LRRC28: variants seen among roughly 807,000 people sequenced by gnomAD.
LRRC28 encodes the protein leucine-rich repeat-containing protein 28.
Under a neutral mutation model 45.7 loss-of-function variants are expected in LRRC28, and 39 were observed. The ratio of observed to expected loss-of-function variants is 0.85; its 90% CI spans 0.66 to 1.12. The LOEUF is 1.12. Ranked by LOEUF, LRRC28 falls within the 50% of genes most tolerant of loss-of-function variation. LRRC28 has a pLI of 0.00. For missense variants in LRRC28, 435 were observed against 438.5 expected, an observed-to-expected ratio of 0.99 and a Z score of 0.07; for synonymous variants, 206 against 178.8, an observed-to-expected ratio of 1.15 and a Z score of -1.22.
At chr15:99,325,836 G>C (rs1418461741) in intron 5 of LRRC28, among the ~76,000 whole-genome samples, 1 of 152,182 alleles carries the variant, frequency 6.6e-6, no homozygotes, top group Non-Finnish European at 1.5e-5. Flanking sequence ...AGATTTTATT[G>C]ATGTGCAGCA....
At chr15:99,273,508 A>G (rs866154600) in intron 2 of LRRC28, among the ~76,000 whole-genome samples, 2 of 152,056 alleles carry the variant, frequency 1.3e-5, no homozygotes, top group Non-Finnish European at 2.9e-5. Flanking sequence ...AAGTGCTGAG[A>G]TTACAGGCGT....
At chr15:99,320,318 AT>A (rs952366878) in intron 5 of LRRC28, among the ~76,000 whole-genome samples, 3 of 152,186 alleles carry the variant, frequency 2.0e-5, no homozygotes, top group African/African-American at 7.2e-5. Context: ...GTTACTAAAT[AT>A]AACCTGCCAC....
In LRRC28 at chr15:99,382,218, G is replaced by A. The variant is rs1040991046; in HGVS notation, c.1032-3812G>A. ...CTGGCTGCTTCGTTTACCTACTCAA[G>A]CCTCAGCAATGGTGGGTGCCCCTCC... On this transcript the variant is annotated intron_variant, in intron 9 of 9. Coordinates refer to ENST00000301981, the MANE Select transcript of LRRC28 (RefSeq NM_144598.5). Among the ~76,000 whole-genome samples, 7 of 152,226 alleles carry A rather than the reference G, an allele frequency of 4.6e-5. No homozygotes were observed. In the East Asian group the frequency reaches 7.7e-4, roughly 17 times the overall value.
At chr15:99,276,988 G>A (rs1334910169) in intron 3 of LRRC28, among the ~76,000 whole-genome samples, 1 of 152,068 alleles carries the variant, frequency 6.6e-6, no homozygotes, top group East Asian at 1.9e-4. Flanking sequence ...TGTTTAAAAT[G>A]TACAGTAAAA....
At chr15:99,289,756 AC>A (rs1301189367) in intron 5 of LRRC28, among the ~76,000 whole-genome samples, 1 of 148,474 alleles carries the variant, frequency 6.7e-6, no homozygotes, top group Non-Finnish European at 1.5e-5. Flanking sequence ...ACAAGGTGAA[AC>A]CCCGTCTCTA....
intron 2 of LRRC28, among the ~76,000 whole-genome samples, chr15:99,267,462 G>GT (rs1443832422): frequency 3.9e-5 from 6 of 152,162 alleles, no homozygotes; most frequent in Non-Finnish European, 1.5e-5. Flanking sequence ...AGGACTTCTT[G>GT]TTTTTCTCCA....
At chr15:99,349,964 G>A (rs959083951) in intron 6 of LRRC28, among the ~76,000 whole-genome samples, 22 of 151,114 alleles carry the variant, frequency 1.5e-4, no homozygotes, top group Admixed American at 3.3e-4. Context: ...GTGAAACCCC[G>A]TCTCTACTAA....
intron 5 of LRRC28, among the ~76,000 whole-genome samples, chr15:99,291,053 A>G (rs2082109591): frequency 1.3e-5 from 2 of 152,318 alleles, no homozygotes; most frequent in Non-Finnish European, 2.9e-5. Flanking sequence ...TAAAAACATG[A>G]TGTGGTAGAA....
intron 5 of LRRC28, among the ~76,000 whole-genome samples, chr15:99,327,671 CTTTTG>C (rs1313987542): frequency 6.6e-6 from 1 of 151,882 alleles, no homozygotes; most frequent in East Asian, 1.9e-4. Context: ...AAAGAACTAA[CTTTTG>C]TTTTCATTGA....
intron 5 of LRRC28, among the ~76,000 whole-genome samples, chr15:99,294,592 T>A (rs1348580605): frequency 2.0e-5 from 3 of 152,156 alleles, no homozygotes; most frequent in African/African-American, 4.8e-5. Context: ...GAGGGCTTAT[T>A]TTCTGATTCA....
chr15:99,287,082 C>G (rs1477263634), intron 3 of LRRC28, among the ~76,000 whole-genome samples, 175 bp from the exon 4 acceptor site: 1 of 152,098 alleles, frequency 6.6e-6, no homozygotes, highest in Non-Finnish European at 1.5e-5. Context: ...ATATTTTTCT[C>G]AAAGTATTAT....
chr15:99,292,755 C>A (rs1465880972), intron 5 of LRRC28, among the ~76,000 whole-genome samples: 1 of 152,176 alleles, frequency 6.6e-6, no homozygotes, highest in East Asian at 1.9e-4. Flanking sequence ...TTTCTTTAAC[C>A]CTTGTCTGTG....
chr15:99,368,172 A>G (rs1484009238), intron 9 of LRRC28, among the ~76,000 whole-genome samples: 1 of 152,170 alleles, frequency 6.6e-6, no homozygotes, highest in Non-Finnish European at 1.5e-5. Context: ...TCCTAAATCT[A>G]TTTCAGCATC....
intron 5 of LRRC28, among the ~76,000 whole-genome samples, chr15:99,302,450 G>A (rs892363227): frequency 2.6e-5 from 4 of 151,886 alleles, no homozygotes; most frequent in African/African-American, 4.8e-5. Flanking sequence ...GTGCAATGGC[G>A]CAATCTTGGC....
chr15:99,363,009 A>G, intron 8 of LRRC28, 97 bp from the exon 9 acceptor site: 1 of 1,326,302 alleles, frequency 7.5e-7, no homozygotes, highest in Non-Finnish European at 1.0e-6. Context: ...AGTACTTTTA[A>G]GTAACTGAAC....
At chr15:99,347,073 G>C (rs1315712180) in intron 6 of LRRC28, among the ~76,000 whole-genome samples, 1 of 152,138 alleles carries the variant, frequency 6.6e-6, no homozygotes, top group African/African-American at 2.4e-5. Flanking sequence ...TACAGTACAA[G>C]TTTATTAACC....
At chr15:99,312,800 C>T (rs188845180) in intron 5 of LRRC28, among the ~76,000 whole-genome samples, 5 of 152,170 alleles carry the variant, frequency 3.3e-5, no homozygotes, top group East Asian at 1.9e-4. Context: ...GTCTTCTCTG[C>T]GGTCTATTGT....
chr15:99,287,503 A>T (rs1047397510), intron 4 of LRRC28, among the ~76,000 whole-genome samples: 1 of 152,208 alleles, frequency 6.6e-6, no homozygotes, highest in African/African-American at 2.4e-5. Context: ...GCTATTAGGT[A>T]GATAATAAGT....
At chr15:99,283,099 G>A (rs2081853408) in intron 3 of LRRC28, among the ~76,000 whole-genome samples, 1 of 151,886 alleles carries the variant, frequency 6.6e-6, no homozygotes. Context: ...CTCCATGTTG[G>A]TCAGGTTGGT....
Sources: allele counts gnomAD v4.1 joint callset (sites outside exome capture counted in the v4.1 genomes callset), GRCh38; gene constraint gnomAD v4.1.1; transcripts MANE v1.5; gene names NCBI Gene and HGNC (gene_info 2026-07-23, HGNC 2026-07-21).